NEGR1: variants seen among roughly 807,000 people sequenced by gnomAD.
The protein encoded by NEGR1 is neuronal growth regulator 1.
Under a neutral mutation model 40.9 loss-of-function variants are expected in NEGR1, and 10 were observed. That is an observed-to-expected ratio of 0.24 (90% CI 0.15 to 0.42). NEGR1 has a LOEUF of 0.42. Among genes scored for constraint, NEGR1 ranks in the 10% least tolerant of loss-of-function variants. NEGR1 has a pLI of 1.00. For missense variants in NEGR1, 352 were observed against 438.9 expected (o/e 0.80, Z 1.77); for synonymous variants, 185 against 166.8 (o/e 1.11, Z -0.84).
In NEGR1 at chr1:72,282,428, T is replaced by C. The variant is rs759429542; in HGVS notation, c.67A>G (p.Ser23Gly). The change falls in exon 1 of 7, where the codon AGC becomes GGC. Residue 23 changes from serine (S) to glycine (G), a missense_variant. By Grantham distance (56) the Ser-to-Gly change is moderately conservative. This residue lies in a region of NEGR1 where 81 missense variants were observed against 85.8 expected (regional missense o/e 0.94). Coordinates refer to ENST00000357731, the MANE Select transcript of NEGR1 (RefSeq NM_173808.3). The stretch of plus-strand genomic sequence containing the variant: ...CAGGAGGGTAGCAGGCAGCACAGGC[T>C]GAGGAGCACCGCCGCCAGCCACTGG... ...SNQWLAAVLLSLCCLLPSCLP... is the reference protein window; with the variant it reads ...SNQWLAAVLLGLCCLLPSCLP... The C allele has an allele frequency of 6.2e-7, 1 of 1,613,632 alleles. No homozygotes were observed.
At chr1:71,928,039 C>A (rs955527556) in intron 2 of NEGR1, among the ~76,000 whole-genome samples, 10 of 120,014 alleles carry the variant, frequency 8.3e-5, no homozygotes, top group Non-Finnish European at 1.5e-4. Context: ...CACACACACA[C>A]ACACACACAC....
At chr1:72,174,584 G>A (rs1019645938) in intron 1 of NEGR1, among the ~76,000 whole-genome samples, 1 of 151,884 alleles carries the variant, frequency 6.6e-6, no homozygotes, top group Non-Finnish European at 1.5e-5. Flanking sequence ...TGTTTTACAC[G>A]TAAGTTAACT....
intron 6 of NEGR1, among the ~76,000 whole-genome samples, chr1:71,524,258 G>A (rs1647189779): frequency 6.6e-6 from 1 of 151,322 alleles, no homozygotes; most frequent in Admixed American, 6.6e-5. Context: ...AACTATCAGT[G>A]GGCCAGTTGG....
chr1:72,118,694 T>C (rs762113209), intron 1 of NEGR1, among the ~76,000 whole-genome samples: 3 of 151,920 alleles, frequency 2.0e-5, no homozygotes, highest in African/African-American at 4.8e-5. Flanking sequence ...CCCAGTTTCC[T>C]AAATTAATTC....
chr1:72,229,798 T>A (rs1165730562), intron 1 of NEGR1, among the ~76,000 whole-genome samples: 1 of 152,040 alleles, frequency 6.6e-6, no homozygotes, highest in Non-Finnish European at 1.5e-5. Context: ...AATAAGAAAA[T>A]CTGTTCCAAC....
At chr1:72,050,012 T>G (rs1309329484) in intron 1 of NEGR1, among the ~76,000 whole-genome samples, 2 of 151,552 alleles carry the variant, frequency 1.3e-5, no homozygotes, top group Non-Finnish European at 3.0e-5. Flanking sequence ...CACATTGTGG[T>G]GTAGAAAAAT....
rs3050682 is a variant in NEGR1 at position 71,427,998 on chromosome 1, T to TCACA, written c.941-20432_941-20429dup. Among the ~76,000 whole-genome samples the TCACA allele has an allele frequency of 2.1e-3, 318 of 149,888 alleles. 1 individual carries two copies. The Middle Eastern group carries it at 0.038, about 18-fold the overall frequency. ...ACACACTGAGAGGCTGATAACACAC[T>TCACA]CACACACACACACACATGCATGCAC... On this transcript the variant is annotated intron_variant, in intron 6 of 6. Coordinates refer to ENST00000357731, the MANE Select transcript of NEGR1 (RefSeq NM_173808.3).
intron 6 of NEGR1, among the ~76,000 whole-genome samples, chr1:71,538,591 G>A (rs1360702): frequency 0.99 from 150,023 of 151,740 alleles, 74,176 homozygotes; most frequent in East Asian, 1. Context: ...GAAGCCTCAG[G>A]AGACAAACTG....
intron 6 of NEGR1, among the ~76,000 whole-genome samples, chr1:71,473,754 T>G (rs1007237768): frequency 6.6e-6 from 1 of 152,016 alleles, no homozygotes; most frequent in East Asian, 1.9e-4. Flanking sequence ...GTGGTAGTCA[T>G]CAAAATATTC....
chr1:71,998,493 C>T (rs933097552), intron 1 of NEGR1, among the ~76,000 whole-genome samples: 7 of 151,706 alleles, frequency 4.6e-5, no homozygotes, highest in African/African-American at 1.7e-4. Context: ...TTGTTTATCT[C>T]ACACACAGTA....
intron 6 of NEGR1, among the ~76,000 whole-genome samples, chr1:71,533,011 A>G (rs1204296385): frequency 6.6e-6 from 1 of 151,628 alleles, no homozygotes; most frequent in Non-Finnish European, 1.5e-5. Flanking sequence ...ACATATACAC[A>G]GATGGTCTTT....
chr1:72,260,287 C>A (rs541784935), intron 1 of NEGR1, among the ~76,000 whole-genome samples: 1 of 152,098 alleles, frequency 6.6e-6, no homozygotes, highest in African/African-American at 2.4e-5. Context: ...TTGGTTTCAG[C>A]CAAAATCAGG....
At chr1:72,095,389 T>C (rs1024975018) in intron 1 of NEGR1, among the ~76,000 whole-genome samples, 10 of 152,078 alleles carry the variant, frequency 6.6e-5, no homozygotes, top group African/African-American at 1.4e-4. Flanking sequence ...CAAATTTACA[T>C]TGCTTTCAAG....
At chr1:71,802,985 A>G (rs1657613539) in intron 2 of NEGR1, among the ~76,000 whole-genome samples, 1 of 152,170 alleles carries the variant, frequency 6.6e-6, no homozygotes, top group African/African-American at 2.4e-5. Context: ...GCATGTGGTG[A>G]ATGTATTGTA....
At chr1:71,540,512 T>C (rs1268956201) in intron 6 of NEGR1, among the ~76,000 whole-genome samples, 4 of 151,750 alleles carry the variant, frequency 2.6e-5, no homozygotes, top group Non-Finnish European at 4.4e-5. Flanking sequence ...GGCTTTTAGT[T>C]ATTGCTTCTG....
At chr1:71,423,283 T>C (rs1044177661) in intron 6 of NEGR1, among the ~76,000 whole-genome samples, 1 of 152,022 alleles carries the variant, frequency 6.6e-6, no homozygotes, top group African/African-American at 2.4e-5. Flanking sequence ...TCATAGTAGC[T>C]ACTTAAGAGG....
chr1:72,227,080 T>C (rs1034786471), intron 1 of NEGR1, among the ~76,000 whole-genome samples: 2 of 152,128 alleles, frequency 1.3e-5, no homozygotes, highest in South Asian at 2.1e-4. Flanking sequence ...TGGAAAAATA[T>C]GGACTTTGGA....
At chr1:71,559,202 T>C (rs1400099878) in intron 6 of NEGR1, among the ~76,000 whole-genome samples, 1 of 151,232 alleles carries the variant, frequency 6.6e-6, no homozygotes, top group African/African-American at 2.4e-5. Context: ...AAGCTAATTT[T>C]TATTACTATA....
chr1:71,502,444 C>T (rs188697515), intron 6 of NEGR1, among the ~76,000 whole-genome samples: 2 of 152,246 alleles, frequency 1.3e-5, no homozygotes, highest in African/African-American at 2.4e-5. Context: ...CTTGCAAGAT[C>T]GCCATTAAAA....
Sources: gnomAD v4.1 joint callset for allele counts (sites outside exome capture counted in the v4.1 genomes callset) on GRCh38, gnomAD v4.1.1 for gene constraint, gnomAD v4.1.1 regional missense constraint, MANE v1.5 for transcripts, NCBI Gene and HGNC (gene_info 2026-07-23, HGNC 2026-07-21) for gene names.